The following CACNA2D3 variants were observed in gnomAD, a reference collection of about 807,000 sequenced individuals.
CACNA2D3 encodes calcium voltage-gated channel auxiliary subunit alpha2delta 3.
Under a neutral mutation model 160.6 loss-of-function variants are expected in CACNA2D3, and 60 were observed. That is an observed-to-expected ratio of 0.37 (90% CI 0.30 to 0.46). The LOEUF (loss-of-function observed/expected upper bound fraction) is 0.46. Ranked by LOEUF, CACNA2D3 falls within the 20% of genes least tolerant of loss-of-function variation. CACNA2D3 has a pLI of 1.00. For synonymous variants in CACNA2D3, 558 were observed against 492.9 expected, an observed-to-expected ratio of 1.13 and a Z score of -1.75; for missense variants, 1,205 against 1,365.0, an observed-to-expected ratio of 0.88 and a Z score of 1.85.
At chr3:54,209,281 G>C (rs1046566385) in intron 2 of CACNA2D3, among the ~76,000 whole-genome samples, 1 of 152,166 alleles carries the variant, frequency 6.6e-6, no homozygotes, top group Non-Finnish European at 1.5e-5. Flanking sequence ...ACAAGATTGG[G>C]AGGTCATTTG....
intron 29 of CACNA2D3, among the ~76,000 whole-genome samples, chr3:54,976,634 A>G (rs527304004): frequency 6.6e-6 from 1 of 152,146 alleles, no homozygotes; most frequent in Non-Finnish European, 1.5e-5. Context: ...TCTTATTGTT[A>G]CTATTATTAG....
In CACNA2D3 at chr3:54,152,581, C is replaced by T. The variant is rs542642511; in HGVS notation, c.204+28987C>T. On this transcript the variant is annotated intron_variant, in intron 2 of 37. Coordinates refer to ENST00000474759, the MANE Select transcript of CACNA2D3 (RefSeq NM_018398.3). ...AGGGAGCAGTGGCCTGGGCGATGGA[C>T]GCACTGAGTGGTAAGTGAATCAATC... Among the ~76,000 whole-genome samples the T allele has an allele frequency of 4.1e-4, 62 of 152,246 alleles. 2 individuals are homozygous for T. In the South Asian group the frequency reaches 0.011, roughly 27 times the overall value.
At chr3:54,630,929 CG>C in intron 10 of CACNA2D3, among the ~76,000 whole-genome samples, 1 of 152,232 alleles carries the variant, frequency 6.6e-6, no homozygotes, top group East Asian at 1.9e-4. Context: ...AGGCCAGGCA[CG>C]GTGGCTCACA....
intron 27 of CACNA2D3, among the ~76,000 whole-genome samples, chr3:54,952,001 A>C (rs1187544538): frequency 1.3e-5 from 2 of 152,102 alleles, no homozygotes; most frequent in African/African-American, 4.8e-5. Flanking sequence ...GGTGCCTGCC[A>C]CCATACCTGG....
chr3:54,758,870 A>AGG (rs1465485703), intron 12 of CACNA2D3, among the ~76,000 whole-genome samples: 1 of 152,194 alleles, frequency 6.6e-6, no homozygotes, highest in Non-Finnish European at 1.5e-5. Context: ...CAAAGATGGA[A>AGG]GGAGGACCTC....
chr3:54,493,369 G>T (rs138699531), intron 4 of CACNA2D3, among the ~76,000 whole-genome samples: 1 of 152,102 alleles, frequency 6.6e-6, no homozygotes, highest in Admixed American at 6.5e-5. Flanking sequence ...GAGCAACCGC[G>T]CATGGCCTCA....
intron 11 of CACNA2D3, among the ~76,000 whole-genome samples, chr3:54,653,522 GA>G (rs1699815669): frequency 6.6e-6 from 1 of 152,178 alleles, no homozygotes. Flanking sequence ...AGCATGACAG[GA>G]AAAGGCATTT....
chr3:54,150,961 A>T (rs930890383), intron 2 of CACNA2D3, among the ~76,000 whole-genome samples: 1 of 151,608 alleles, frequency 6.6e-6, no homozygotes, highest in African/African-American at 2.4e-5. Flanking sequence ...GTAGGGTTGG[A>T]TAATGGATGG....
At chr3:54,328,502 G>A (rs545499253) in intron 3 of CACNA2D3, among the ~76,000 whole-genome samples, 23 of 151,992 alleles carry the variant, frequency 1.5e-4, no homozygotes, top group African/African-American at 4.8e-4. Flanking sequence ...GGCTGGTCTC[G>A]AACTCCTGAC....
intron 27 of CACNA2D3, among the ~76,000 whole-genome samples, chr3:54,949,638 T>G (rs879705525): frequency 1.1e-4 from 17 of 152,324 alleles, no homozygotes; most frequent in Admixed American, 1.1e-3. Context: ...TGGTCACTTA[T>G]TTCAGGCCTA....
At chr3:54,175,900 G>T (rs1235679608) in intron 2 of CACNA2D3, among the ~76,000 whole-genome samples, 1 of 151,826 alleles carries the variant, frequency 6.6e-6, no homozygotes, top group Non-Finnish European at 1.5e-5. Flanking sequence ...TGGGCCCAAA[G>T]AGTGGACCAT....
intron 2 of CACNA2D3, among the ~76,000 whole-genome samples, chr3:54,303,818 GTTTTTTTTTTT>G (rs71617795): frequency 7.8e-5 from 9 of 115,006 alleles, no homozygotes; most frequent in Non-Finnish European, 1.0e-4. Flanking sequence ...CTTTTTTTCT[GTTTTTTTTTTT>G]TTTTTTTTTC....
At chr3:54,837,052 A>T (rs1698707212) in intron 14 of CACNA2D3, 107 bp from the exon 15 acceptor site, 2 of 933,204 alleles carry the variant, frequency 2.1e-6, no homozygotes. Flanking sequence ...GCACTGTTCC[A>T]TCTCAACAGC....
chr3:54,171,149 T>TG (rs2107311071), intron 2 of CACNA2D3, among the ~76,000 whole-genome samples: 1 of 138,686 alleles, frequency 7.2e-6, no homozygotes, highest in East Asian at 2.1e-4. Context: ...TTTTTTTTTT[T>TG]TTTTTTTTTA....
At chr3:54,823,814 C>G (rs184885295) in intron 14 of CACNA2D3, among the ~76,000 whole-genome samples, 1 of 152,230 alleles carries the variant, frequency 6.6e-6, no homozygotes, top group East Asian at 1.9e-4. Flanking sequence ...TTAATAGTGG[C>G]TATTTCCTAG....
At chr3:55,073,369 CAGG>C (rs1182769494) in intron 35 of CACNA2D3, 73 bp from the exon 36 acceptor site, 1 of 1,082,702 alleles carries the variant, frequency 9.2e-7, no homozygotes, top group Non-Finnish European at 1.4e-6. Flanking sequence ...TGCTACCACC[CAGG>C]AGAGAAGTCT....
At chr3:54,442,339 A>G (rs986887920) in intron 4 of CACNA2D3, among the ~76,000 whole-genome samples, 1 of 152,162 alleles carries the variant, frequency 6.6e-6, no homozygotes, top group African/African-American at 2.4e-5. Context: ...CATTTTATAA[A>G]GAGGGCCCTT....
At chr3:54,323,472 T>TC (rs1339884658) in intron 3 of CACNA2D3, among the ~76,000 whole-genome samples, 2 of 150,098 alleles carry the variant, frequency 1.3e-5, no homozygotes, top group African/African-American at 2.4e-5. Context: ...TCTTTTCTTT[T>TC]TTTTTTTTTT....
At chr3:54,156,114 A>C (rs573230964) in intron 2 of CACNA2D3, among the ~76,000 whole-genome samples, 1 of 152,320 alleles carries the variant, frequency 6.6e-6, no homozygotes, top group African/African-American at 2.4e-5. Context: ...CAAATTGCCC[A>C]GGTGTTCAGT....
Sources: allele counts gnomAD v4.1 joint callset (sites outside exome capture counted in the v4.1 genomes callset), GRCh38; gene constraint gnomAD v4.1.1; transcripts MANE v1.5; gene names NCBI Gene and HGNC (gene_info 2026-07-23, HGNC 2026-07-21).